NUP93: variants seen among roughly 807,000 people sequenced by gnomAD.
NUP93 encodes nuclear pore complex protein Nup93.
Under a neutral mutation model 107.8 loss-of-function variants are expected in NUP93, and 55 were observed. The observed-to-expected ratio is 0.51, with a 90% CI of 0.41 to 0.64. The LOEUF (loss-of-function observed/expected upper bound fraction) is 0.64. Among genes scored for constraint, NUP93 ranks in the 30% least tolerant of loss-of-function variants. The pLI is 0.00. For synonymous variants in NUP93, 390 were observed against 397.5 expected (o/e 0.98, Z 0.22); for missense variants, 937 against 1,044.7 (o/e 0.90, Z 1.42).
rs535127446 is a variant in NUP93, at chr16:56,839,703, C to T, written c.2220+99C>T. On this transcript the variant is annotated intron_variant, in intron 20 of 21. Transcript: ENST00000308159. Reference sequence around the variant, plus strand: ...CTAACAGCTTTAAGAATTCTAGTTACAGTAACTATCCAGACTGAGTTTTCC... The same window carrying T: ...CTAACAGCTTTAAGAATTCTAGTTATAGTAACTATCCAGACTGAGTTTTCC... The T allele has an allele frequency of 1.4e-4, 127 of 935,768 alleles. 1 individual carries two copies. Among genetic ancestry groups the T allele is most frequent in the African/African-American group, 1.3e-3 (80 of 60,962 alleles). The allele number at this position is 935,768 out of a possible 1,614,324, so 58.0% of individuals were successfully genotyped here. A position where few individuals can be genotyped will look rare whatever the true frequency, so the allele number is the denominator to read the frequency against.
At chr16:56,793,046 T>A (rs1302446048) in intron 3 of NUP93, among the ~76,000 whole-genome samples, 1 of 152,206 alleles carries the variant, frequency 6.6e-6, no homozygotes, top group African/African-American at 2.4e-5. Flanking sequence ...TTATGTCTGT[T>A]CTTTCATATT....
At chr16:56,844,444 G>A in intron 21 of NUP93, 55 bp from the exon 22 acceptor site, 1 of 1,065,548 alleles carries the variant, frequency 9.4e-7, no homozygotes, top group Non-Finnish European at 1.3e-6. Flanking sequence ...ATATGGAATA[G>A]TGCCCTGACT....
intron 3 of NUP93, among the ~76,000 whole-genome samples, chr16:56,793,860 C>T (rs1555493513): frequency 2.0e-5 from 3 of 152,046 alleles, no homozygotes; most frequent in Non-Finnish European, 4.4e-5. Context: ...CGCGACCAGC[C>T]TGACCAATAT....
chr16:56,760,872 C>T (rs1962114057), intron 3 of NUP93, among the ~76,000 whole-genome samples: 1 of 152,004 alleles, frequency 6.6e-6, no homozygotes, highest in Middle Eastern at 3.2e-3. Flanking sequence ...TCACTTGAGT[C>T]CAGGAGGTTG....
At chr16:56,771,506 T>C (rs1962321606) in intron 3 of NUP93, among the ~76,000 whole-genome samples, 2 of 152,352 alleles carry the variant, frequency 1.3e-5, no homozygotes, top group East Asian at 3.9e-4. Flanking sequence ...ACTGGTCGAA[T>C]TTCTTAATGT....
chr16:56,818,750 T>C lies in NUP93; in HGVS notation c.564+12T>C. The C allele has an allele frequency of 6.2e-7, 1 of 1,611,528 alleles. No individual in the cohort carries two copies. The highest frequency in any genetic ancestry group is 8.5e-7 in the Non-Finnish European group (1 of 1,177,894). On this transcript the variant is annotated intron_variant, in intron 6 of 21. Transcript: ENST00000308159. ...CCTATGCGCGGCAAGTGAGTGTGAT[T>C]TTAAGGGGGATTAAGCCAGGAAAAT... is the stretch of plus-strand genomic sequence containing the variant.
intron 5 of NUP93, among the ~76,000 whole-genome samples, chr16:56,816,873 C>T (rs1963444171): frequency 6.6e-6 from 1 of 152,166 alleles, no homozygotes; most frequent in Non-Finnish European, 1.5e-5. Context: ...CCCATCGTCC[C>T]TTTTCCCAAG....
In NUP93 at chr16:56,828,978, T is replaced by C; in HGVS notation, c.796T>C (p.Tyr266His). 1 of 1,612,880 alleles carries C rather than the reference T, an allele frequency of 6.2e-7. No individual in the cohort carries two copies. The highest frequency in any genetic ancestry group is 1.3e-5 in the African/African-American group (1 of 74,946). ...TTTTTTCCTTTAAAATTTTTCCAGT[T>C]ATAAGAATTACACCCTTGTGACTGT... ...RQALAYLEQS[Y>H]KNYTLVTVFG... is the part of the protein sequence containing the mutation. Residue 266 changes from tyrosine to histidine, a missense_variant and splice_region_variant, in exon 9 of 22, where the codon TAT becomes CAT. Transcript: ENST00000308159.
chr16:56,731,987 C>A (rs1961543004), intron 1 of NUP93, among the ~76,000 whole-genome samples: 1 of 152,146 alleles, frequency 6.6e-6, no homozygotes, highest in Admixed American at 6.5e-5. Context: ...CATAATCTGA[C>A]CCACTGTTAC....
chr16:56,832,218 G>A, intron 11 of NUP93, 77 bp from the exon 12 acceptor site: 1 of 1,326,098 alleles, frequency 7.5e-7, no homozygotes, highest in South Asian at 1.2e-5. Context: ...GAGCATGGCT[G>A]CTGAACAGCT....
At chr16:56,799,626 G>A (rs1353354834) in intron 4 of NUP93, among the ~76,000 whole-genome samples, 1 of 151,852 alleles carries the variant, frequency 6.6e-6, no homozygotes, top group Non-Finnish European at 1.5e-5. Flanking sequence ...CTCTGCAAAG[G>A]GTGTAGGCTT....
At position 56,836,473 on chromosome 16, in the gene NUP93, A is replaced by T. The variant is rs527797534; in HGVS notation, c.1783-128A>T. 2.1e-5 allele frequency: 14 copies of T among 661,058 alleles called. 1 individual carries two copies. In the South Asian group the frequency reaches 2.5e-4, roughly 12 times the overall value. The allele number at this position is 661,058 out of a possible 1,614,324, so 40.9% of individuals were successfully genotyped here. The stretch of plus-strand genomic sequence containing the variant: ...AGCCAGAGTCTGGCTGATGAAATAT[A>T]TGCGTTGCCCAGGGCAAGCAATTCC... On this transcript the variant is annotated intron_variant, in intron 16 of 21. Coordinates refer to ENST00000308159, the MANE Select transcript of NUP93 (RefSeq NM_014669.5).
At chr16:56,736,746 C>A (rs1961620754) in intron 1 of NUP93, among the ~76,000 whole-genome samples, 1 of 152,122 alleles carries the variant, frequency 6.6e-6, no homozygotes, top group South Asian at 2.1e-4. Context: ...TGCACGGGGG[C>A]AGGTGTGGAT....
intron 3 of NUP93, among the ~76,000 whole-genome samples, chr16:56,777,883 C>T (rs1962443727): frequency 6.6e-6 from 1 of 152,166 alleles, no homozygotes; most frequent in Admixed American, 6.6e-5. Context: ...ATTTAGCTCC[C>T]CTTTAAGTAT....
Position 56,841,695 on chromosome 16 carries a change from C to T in NUP93, c.2221-10C>T. 6.2e-7 allele frequency: 1 copy of T among 1,613,228 alleles called. No individual in the cohort carries two copies. Among genetic ancestry groups the T allele is most frequent in the Non-Finnish European group, 8.5e-7 (1 of 1,179,686 alleles). ...TTCTTTTTCTTTACTCTGTTTTTCT[C>T]TCTATGTAGATCAGGCACAACCTCT... is the stretch of plus-strand genomic sequence containing the variant. On this transcript the variant is annotated splice_polypyrimidine_tract_variant and intron_variant, in intron 20 of 21. Coordinates refer to ENST00000308159, the MANE Select transcript of NUP93 (RefSeq NM_014669.5).
At chr16:56,819,582 C>T (rs1381953262) in intron 6 of NUP93, among the ~76,000 whole-genome samples, 1 of 152,176 alleles carries the variant, frequency 6.6e-6, no homozygotes. Flanking sequence ...ACCTCATCCT[C>T]CTCCAGCCTG....
chr16:56,785,990 CAAA>C (rs1329575363), intron 3 of NUP93, among the ~76,000 whole-genome samples: 1 of 152,226 alleles, frequency 6.6e-6, no homozygotes, highest in Admixed American at 6.5e-5. Context: ...TTTTAGAAAA[CAAA>C]AGACAGTGTG....
At position 56,805,552 on chromosome 16, in the gene NUP93, T is replaced by A. The variant is rs1296476710; in HGVS notation, c.409T>A (p.Trp137Arg). 2 of 1,613,974 alleles carry A rather than the reference T, an allele frequency of 1.2e-6. No homozygotes were observed. The change falls in exon 5 of 22, where the codon TGG (tryptophan) becomes AGG (arginine). Residue 137 changes from tryptophan (W) to arginine (R), a missense_variant. Transcript: ENST00000308159. ...EYHRESMLVE[W>R]EQVKQRILHT... ...CCATCGGGAGTCAATGTTGGTTGAG[T>A]GGGAGCAAGTGAAACAGCGAATTCT...
chr16:56,739,211 GT>G (rs1281236140), intron 1 of NUP93, among the ~76,000 whole-genome samples: 1 of 124,810 alleles, frequency 8.0e-6, no homozygotes, highest in East Asian at 2.4e-4. Flanking sequence ...ATCCTGGCCC[GT>G]TCTCAATGAG....
Sources: gnomAD v4.1 joint callset for allele counts (sites outside exome capture counted in the v4.1 genomes callset) on GRCh38, gnomAD v4.1.1 for gene constraint, MANE v1.5 for transcripts, NCBI Gene and HGNC (gene_info 2026-07-23, HGNC 2026-07-21) for gene names.